The following RBFOX1 variants were observed in gnomAD, a reference collection of about 807,000 sequenced individuals.
RBFOX1 encodes the protein RNA binding fox-1 homolog 1, also known as RNA binding protein fox-1 homolog 1.
In RBFOX1, 8 loss-of-function variants were observed where a neutral mutation model predicts 57.7. That is an observed-to-expected ratio of 0.14 (90% CI 0.08 to 0.25). The LOEUF is 0.25. Among genes scored for constraint, RBFOX1 ranks in the 10% least tolerant of loss-of-function variants. The pLI is 1.00. For missense variants in RBFOX1, 611 were observed against 548.5 expected (o/e 1.11, Z -1.14); for synonymous variants, 326 against 222.4 (o/e 1.47, Z -4.15).
intron 4 of RBFOX1, among the ~76,000 whole-genome samples, chr16:5,940,491 T>C (rs1209274434): frequency 6.6e-6 from 1 of 152,228 alleles, no homozygotes; most frequent in Non-Finnish European, 1.5e-5. Flanking sequence ...AATGTCAGAC[T>C]GAGCCCAGAT....
At chr16:5,447,060 A>G (rs1425584288) in intron 1 of RBFOX1, among the ~76,000 whole-genome samples, 2 of 147,454 alleles carry the variant, frequency 1.4e-5, no homozygotes, top group African/African-American at 5.4e-5. Context: ...CTAAGCAAAC[A>G]AACCATCACG....
chr16:6,992,322 A>G lies in RBFOX1; in HGVS notation c.-15-59735A>G, dbSNP rs375446176. On this transcript the variant is annotated intron_variant, in intron 3 of 15. Coordinates refer to ENST00000550418, the MANE Select transcript of RBFOX1 (RefSeq NM_018723.4). ...AGCCTCTGCCTCCCAGGTTCAAGCA[A>G]TTCTCCTGCCTCAGCTTTCCCAGTA... Among the ~76,000 whole-genome samples the G allele has an allele frequency of 1.3e-3, 200 of 152,030 alleles. 2 individuals are homozygous for G. The highest frequency in any genetic ancestry group is 6.6e-3 in the East Asian group (34 of 5,156).
At chr16:6,327,770 C>G (rs752446248) in intron 2 of RBFOX1, among the ~76,000 whole-genome samples, 8 of 152,142 alleles carry the variant, frequency 5.3e-5, no homozygotes, top group Admixed American at 2.6e-4. Flanking sequence ...CAGATTCAAG[C>G]CAGGAGCCTC....
At chr16:7,247,526 C>G (rs74013344) in intron 4 of RBFOX1, among the ~76,000 whole-genome samples, 9,674 of 152,184 alleles carry the variant, frequency 0.064, 811 homozygotes, top group African/African-American at 0.19. Flanking sequence ...TCTGTAAGAC[C>G]CTGTGCCTGC....
chr16:5,884,885 C>G (rs1028471651), intron 4 of RBFOX1, among the ~76,000 whole-genome samples: 1 of 152,160 alleles, frequency 6.6e-6, no homozygotes, highest in East Asian at 1.9e-4. Flanking sequence ...GTCTTTCTCC[C>G]ATTTTGCCAT....
intron 2 of RBFOX1, among the ~76,000 whole-genome samples, chr16:5,470,391 C>T (rs901721276): frequency 8.5e-5 from 13 of 152,212 alleles, no homozygotes; most frequent in Admixed American, 6.5e-5. Flanking sequence ...AACCTCTAAA[C>T]GTTGGGAAGT....
At chr16:5,720,503 G>C (rs938197868) in intron 3 of RBFOX1, among the ~76,000 whole-genome samples, 1 of 152,072 alleles carries the variant, frequency 6.6e-6, no homozygotes, top group Non-Finnish European at 1.5e-5. Flanking sequence ...ATATTAACAA[G>C]GCTTTACCTA....
chr16:7,459,963 C>A (rs570144751), intron 4 of RBFOX1, among the ~76,000 whole-genome samples: 1 of 151,688 alleles, frequency 6.6e-6, no homozygotes, highest in African/African-American at 2.4e-5. Context: ...CTTTTAGCAA[C>A]AAGTAATTGA....
At chr16:6,126,263 C>A (rs891092468) in intron 1 of RBFOX1, among the ~76,000 whole-genome samples, 1 of 152,336 alleles carries the variant, frequency 6.6e-6, no homozygotes, top group Non-Finnish European at 1.5e-5. Context: ...GCCAGCGCAT[C>A]GAGGAACAGT....
At chr16:5,973,538 C>G (rs1462884487) in intron 4 of RBFOX1, among the ~76,000 whole-genome samples, 1 of 152,160 alleles carries the variant, frequency 6.6e-6, no homozygotes, top group African/African-American at 2.4e-5. Flanking sequence ...AAGGACCAGT[C>G]TCGATTTATT....
intron 2 of RBFOX1, among the ~76,000 whole-genome samples, chr16:6,547,427 A>C (rs1171494466): frequency 6.6e-6 from 1 of 152,218 alleles, no homozygotes; most frequent in Non-Finnish European, 1.5e-5. Flanking sequence ...TTTGTCAGAG[A>C]TGATTGTCGA....
At chr16:7,637,147 C>T (rs775166417) in intron 11 of RBFOX1, among the ~76,000 whole-genome samples, 8 of 151,986 alleles carry the variant, frequency 5.3e-5, no homozygotes, top group East Asian at 1.9e-4. Context: ...CCAATGAGCG[C>T]GTTTTCCACA....
At chr16:5,961,272 A>T (rs1453693784) in intron 4 of RBFOX1, among the ~76,000 whole-genome samples, 1 of 152,122 alleles carries the variant, frequency 6.6e-6, no homozygotes, top group Non-Finnish European at 1.5e-5. Flanking sequence ...TGTTGCATTT[A>T]ATCATCTTAA....
chr16:6,426,815 C>T (rs1022770287), intron 2 of RBFOX1, among the ~76,000 whole-genome samples: 27 of 152,132 alleles, frequency 1.8e-4, no homozygotes, highest in Admixed American at 7.9e-4. Flanking sequence ...CTGCAAATTC[C>T]TGCCACATGT....
intron 7 of RBFOX1, among the ~76,000 whole-genome samples, chr16:7,590,328 A>G (rs968661308): frequency 6.6e-6 from 1 of 151,598 alleles, no homozygotes; most frequent in Non-Finnish European, 1.5e-5. Context: ...GGTAGTATCT[A>G]TATTATTTTG....
At chr16:6,842,400 C>A (rs1329207449) in intron 3 of RBFOX1, among the ~76,000 whole-genome samples, 1 of 152,072 alleles carries the variant, frequency 6.6e-6, no homozygotes, top group Non-Finnish European at 1.5e-5. Context: ...TTTAATCCAA[C>A]TACTTGGAGA....
At chr16:6,992,024 ACT>A (rs1224097465) in intron 3 of RBFOX1, among the ~76,000 whole-genome samples, 3 of 151,830 alleles carry the variant, frequency 2.0e-5, no homozygotes, top group African/African-American at 7.3e-5. Context: ...CACCTTGAAA[ACT>A]ATTGTCAGAG....
At chr16:6,043,469 T>A (rs191121157) in intron 1 of RBFOX1, among the ~76,000 whole-genome samples, 1 of 152,360 alleles carries the variant, frequency 6.6e-6, no homozygotes, top group African/African-American at 2.4e-5. Flanking sequence ...AGGTTGGAAT[T>A]GGGTATCTTA....
chr16:6,435,639 AT>A (rs1335461285), intron 2 of RBFOX1, among the ~76,000 whole-genome samples: 7 of 152,126 alleles, frequency 4.6e-5, no homozygotes, highest in Non-Finnish European at 2.9e-5. Context: ...CCCCAGCAAG[AT>A]TTATAGACAC....
Sources: allele counts gnomAD v4.1 joint callset (sites outside exome capture counted in the v4.1 genomes callset), GRCh38; gene constraint gnomAD v4.1.1; transcripts MANE v1.5; gene names NCBI Gene and HGNC (gene_info 2026-07-23, HGNC 2026-07-21).